SEZ6L2: variants seen among roughly 807,000 people sequenced by gnomAD.
SEZ6L2 encodes the protein seizure related 6 homolog like 2.
A neutral mutation model predicts 97.0 loss-of-function variants in SEZ6L2; 44 were observed. The ratio of observed to expected loss-of-function variants is 0.45; its 90% CI spans 0.36 to 0.58. The LOEUF (loss-of-function observed/expected upper bound fraction) is 0.58. Ranked by LOEUF, SEZ6L2 falls within the 20% of genes least tolerant of loss-of-function variation. The probability of loss-of-function intolerance (pLI) is 0.00; values close to 1 mark genes in which losing one functional copy is unlikely to be tolerated. For synonymous variants in SEZ6L2, 543 were observed against 546.1 expected (o/e 0.99, Z 0.08); for missense variants, 1,086 against 1,233.3 (o/e 0.88, Z 1.79).
At position 29,872,231 on chromosome 16, in the gene SEZ6L2, TG is replaced by T. The variant is rs750325792; in HGVS notation, c.2697del (p.Ile900SerfsTer135). Reference sequence around the variant, plus strand: ...TTGCTGAAGTCCGACTCCACGGTGATGGGGCTGTAGGAGTGGGAGCCCGAGA... The same window carrying T: ...TTGCTGAAGTCCGACTCCACGGTGATGGGCTGTAGGAGTGGGAGCCCGAGA... ...FGFSGSHSYS[P>X]ITVESDFSNP... On this transcript the variant is annotated frameshift_variant, in exon 17 of 18. Coordinates refer to ENST00000617533, the MANE Select transcript of SEZ6L2 (RefSeq NM_001243332.2). LOFTEE classifies it high-confidence loss of function. The T allele has an allele frequency of 6.2e-7, 1 of 1,612,426 alleles. No homozygotes were observed. The highest frequency in any genetic ancestry group is 8.5e-7 in the Non-Finnish European group (1 of 1,179,320).
intron 12 of SEZ6L2, among the ~76,000 whole-genome samples, chr16:29,875,601 G>A (rs1179137876): frequency 6.6e-6 from 1 of 151,688 alleles, no homozygotes; most frequent in East Asian, 1.9e-4. Flanking sequence ...CTAAAATTTG[G>A]AGAAAGTAAC....
chr16:29,889,614 C>CTTTTTTTTTTT (rs869108927), intron 5 of SEZ6L2, among the ~76,000 whole-genome samples: 1 of 70,564 alleles, frequency 1.4e-5, no homozygotes, highest in Non-Finnish European at 3.0e-5. Context: ...CTTGAAACTT[C>CTTTTTTTTTTT]TTTTTTTTTT....
rs2068478023 is a variant in SEZ6L2 at position 29,899,176 on chromosome 16, G to C, written c.-157C>G. 1 of 618,540 alleles carries C rather than the reference G, an allele frequency of 1.6e-6. No homozygotes were observed. Among genetic ancestry groups the C allele is most frequent in the African/African-American group, 2.0e-5 (1 of 50,468 alleles). The allele number at this position is 618,540 out of a possible 1,614,324, so 38.3% of individuals were successfully genotyped here. A position where few individuals can be genotyped will look rare whatever the true frequency, so the allele number is the denominator to read the frequency against. On this transcript the variant is annotated 5_prime_UTR_variant, in exon 1 of 18. Transcript: ENST00000617533. ...AGAAAGACAATTTCTCTGCCCCTTG[G>C]GATGGAGGGGCAGAATTGGGCTAGG... is the stretch of plus-strand genomic sequence containing the variant.
chr16:29,885,504 G>A lies in SEZ6L2; in HGVS notation c.1372+82C>T, dbSNP rs1432524387. 3.4e-6 allele frequency: 5 copies of A among 1,456,436 alleles called. No individual in the cohort carries two copies. The Admixed American group carries it at 7.0e-5, about 20-fold the overall frequency. 90.2% of individuals were successfully genotyped at this position (1,456,436 alleles called of 1,614,324 possible). A position where few individuals can be genotyped will look rare whatever the true frequency, so the allele number is the denominator to read the frequency against. On this transcript the variant is annotated intron_variant, in intron 8 of 17. Transcript: ENST00000617533. ...CAGCACGGAGATGAACAGGCATAGAGTTTGTGCTTCCGACTATGCTTGGTG... is the reference window on the plus strand; with the variant it reads ...CAGCACGGAGATGAACAGGCATAGAATTTGTGCTTCCGACTATGCTTGGTG...
At chr16:29,874,563 T>TGG (rs1567410749) in intron 12 of SEZ6L2, among the ~76,000 whole-genome samples, 1,065 of 88,652 alleles carry the variant, frequency 0.012, 105 homozygotes, top group African/African-American at 0.049. Context: ...TTTTTTTTTT[T>TGG]TTTTTTTTTT....
chr16:29,896,745 C>A, intron 3 of SEZ6L2, 77 bp downstream of exon 3: 2 of 1,336,296 alleles, frequency 1.5e-6, no homozygotes, highest in East Asian at 2.3e-5. Flanking sequence ...CCACAGTTCC[C>A]AGCAGCCTCT....
At position 29,899,388 on chromosome 16, in the gene SEZ6L2, A is replaced by T. The variant is rs1261491822; in HGVS notation, c.-369T>A. On this transcript the variant is annotated 5_prime_UTR_variant, in exon 1 of 18. Coordinates refer to ENST00000617533, the MANE Select transcript of SEZ6L2 (RefSeq NM_001243332.2). ...GGCTGTCTGGACCCCAAGCTAGGGG[A>T]CTGGGGAGGAGAAAGACAGCTTCTG... The T allele has an allele frequency of 2.8e-5, 7 of 252,238 alleles. No homozygotes were observed. 15.6% of individuals were successfully genotyped at this position (252,238 alleles called of 1,614,324 possible).
chr16:29,895,897 C>T lies in SEZ6L2; in HGVS notation c.512-37G>A, dbSNP rs767339310. 2.5e-6 allele frequency: 4 copies of T among 1,572,928 alleles called. No individual in the cohort carries two copies. The Admixed American group carries it at 7.2e-5, about 28-fold the overall frequency. ...CAAATGGCTGGGATGGAAGGAATGCCTGTGCTTTTGCCCTCCCAGCCAAGC... is the reference window on the plus strand; with the variant it reads ...CAAATGGCTGGGATGGAAGGAATGCTTGTGCTTTTGCCCTCCCAGCCAAGC... On this transcript the variant is annotated intron_variant, in intron 3 of 17. Coordinates refer to ENST00000617533, the MANE Select transcript of SEZ6L2 (RefSeq NM_001243332.2).
rs1291215790 is a variant in SEZ6L2 at position 29,872,536 on chromosome 16, G to A, written c.2528-10C>T. On this transcript the variant is annotated splice_polypyrimidine_tract_variant and intron_variant, in intron 15 of 17. Transcript: ENST00000617533. ...TCTGTGGTCTGGGTCACTACAGGAG[G>A]AGGAGAGGCCGGTGAGCTGTGGCTG... is the stretch of plus-strand genomic sequence containing the variant. 2 of 1,613,240 alleles carry A rather than the reference G, an allele frequency of 1.2e-6. No individual in the cohort carries two copies. The highest frequency in any genetic ancestry group is 1.7e-5 in the Admixed American group (1 of 59,996).
intron 5 of SEZ6L2, among the ~76,000 whole-genome samples, chr16:29,893,711 C>T (rs2068321940): frequency 6.6e-6 from 1 of 151,896 alleles, no homozygotes; most frequent in Middle Eastern, 3.2e-3. Context: ...GTAGTCTGGA[C>T]TGCTTACTGA....
chr16:29,891,220 G>A (rs1385497779), intron 5 of SEZ6L2, among the ~76,000 whole-genome samples: 1 of 151,860 alleles, frequency 6.6e-6, no homozygotes, highest in Admixed American at 6.6e-5. Flanking sequence ...GATTACAGGC[G>A]TGAACCACTG....
intron 1 of SEZ6L2, among the ~76,000 whole-genome samples, chr16:29,898,303 C>T (rs915333821): frequency 1.3e-5 from 2 of 152,218 alleles, no homozygotes; most frequent in South Asian, 2.1e-4. Flanking sequence ...CCTTTCACCT[C>T]AGTGGTGATC....
rs367642115 is a variant in SEZ6L2, at chr16:29,896,946, G to A, written c.387C>T (p.Thr129=). ...CAGGGCTGGGTGGGGGTGGGGCTGT[G>A]GTTCCTGGGGGCGGGGTCAGCAGTT... ...APELLTPPPG[T]TAPPPPSPAS... The change falls in exon 3 of 18, where the codon ACC becomes ACT. Residue 129 remains threonine, a synonymous_variant. Coordinates refer to ENST00000617533, the MANE Select transcript of SEZ6L2 (RefSeq NM_001243332.2). 12 of 1,603,100 alleles carry A rather than the reference G, an allele frequency of 7.5e-6. No individual in the cohort carries two copies. Among genetic ancestry groups the A allele is most frequent in the Non-Finnish European group, 8.5e-6 (10 of 1,175,966 alleles).
In SEZ6L2 at chr16:29,872,758, G is replaced by C. The variant is rs376516914; in HGVS notation, c.2489-15C>G. 16 of 1,609,194 alleles carry C rather than the reference G, an allele frequency of 9.9e-6. No homozygotes were observed. The highest frequency in any genetic ancestry group is 1.1e-5 in the South Asian group (1 of 90,926). ...CTCATAGGCAACTGCAGGGAGAGGA[G>C]GGGGAGGGGATGGGGTCTGAGCCAG... On this transcript the variant is annotated splice_polypyrimidine_tract_variant and intron_variant, in intron 14 of 17. Transcript: ENST00000617533.
chr16:29,887,460 C>G (rs1197089052), intron 7 of SEZ6L2, among the ~76,000 whole-genome samples, 189 bp downstream of exon 7: 1 of 148,990 alleles, frequency 6.7e-6, no homozygotes, highest in Admixed American at 6.6e-5. Context: ...ACCACCATGC[C>G]CGGCTAATTT....
rs1567427875 is a variant in SEZ6L2 at position 29,895,706 on chromosome 16, C to CTT, written c.651+13_651+14dup. ...GGCTTGGAAGCTGCACAGTCACATGCTTTGGTCCAGTTACCTGGATCTCAA... is the reference window on the plus strand; with the variant it reads ...GGCTTGGAAGCTGCACAGTCACATGCTTTTTGGTCCAGTTACCTGGATCTCAA... On this transcript the variant is annotated intron_variant, in intron 4 of 17. Transcript: ENST00000617533. 6.2e-7 allele frequency: 1 copy of CTT among 1,610,098 alleles called. No individual in the cohort carries two copies. The highest frequency in any genetic ancestry group is 1.7e-5 in the Admixed American group (1 of 59,362).
At chr16:29,897,151 A>C (rs2068420005) in intron 2 of SEZ6L2, 30 bp from the exon 3 acceptor site, 8 of 1,498,002 alleles carry the variant, frequency 5.3e-6, no homozygotes, top group Non-Finnish European at 6.2e-6. Context: ...ATCAGAGCAC[A>C]GGAGGAGCAC....
intron 5 of SEZ6L2, 66 bp downstream of exon 5, chr16:29,895,193 A>T: frequency 8.5e-7 from 1 of 1,171,288 alleles, no homozygotes. Context: ...AAAAAAAAAA[A>T]AAAAAAGATG....
intron 8 of SEZ6L2, among the ~76,000 whole-genome samples, chr16:29,883,112 G>A (rs2068062356): frequency 6.6e-6 from 1 of 152,124 alleles, no homozygotes; most frequent in Non-Finnish European, 1.5e-5. Context: ...TCACAGCCGA[G>A]TGCCAATTCC....
Sources: allele counts gnomAD v4.1 joint callset (sites outside exome capture counted in the v4.1 genomes callset), GRCh38; gene constraint gnomAD v4.1.1; transcripts MANE v1.5; gene names NCBI Gene and HGNC (gene_info 2026-07-23, HGNC 2026-07-21).